Variants in GALNT13 observed in about 807,000 individuals in gnomAD.
The protein encoded by GALNT13 is polypeptide N-acetylgalactosaminyltransferase 13, also known as UDP-GalNAc:polypeptide N-acetylgalactosaminyltransferase 13.
In GALNT13, 28 loss-of-function variants were observed where a neutral mutation model predicts 64.2. The observed-to-expected ratio is 0.44, with a 90% CI of 0.32 to 0.60. GALNT13 has a LOEUF of 0.60. Among genes scored for constraint, GALNT13 ranks in the 20% least tolerant of loss-of-function variants. The pLI is 0.05. For missense variants in GALNT13, 577 were observed against 669.8 expected, an observed-to-expected ratio of 0.86 and a Z score of 1.53; for synonymous variants, 214 against 224.6, an observed-to-expected ratio of 0.95 and a Z score of 0.42.
chr2:153,138,728 C>A, the GALNT13 span, among the ~76,000 whole-genome samples: 3 of 152,056 alleles, frequency 2.0e-5, no homozygotes, highest in Non-Finnish European at 2.9e-5. Flanking sequence ...GAAATATCTT[C>A]TTCTCCCTTG....
chr2:153,598,267 C>G, the GALNT13 span, among the ~76,000 whole-genome samples: 1 of 152,122 alleles, frequency 6.6e-6, no homozygotes, highest in African/African-American at 2.4e-5. Flanking sequence ...CCTTCTGGAT[C>G]TGCTACTGCA....
chr2:153,213,901 GA>G, the GALNT13 span, among the ~76,000 whole-genome samples: 1 of 152,092 alleles, frequency 6.6e-6, no homozygotes, highest in Non-Finnish European at 1.5e-5. Context: ...TACAAATAAG[GA>G]AAAAGAGAAG....
chr2:154,365,158 A>G (rs1268584730), intron 9 of GALNT13, among the ~76,000 whole-genome samples: 2 of 152,184 alleles, frequency 1.3e-5, no homozygotes, highest in African/African-American at 4.8e-5. Context: ...TAAAATCATT[A>G]ACTTCATAGA....
chr2:153,934,075 G>A (rs1690728518), intron 2 of GALNT13, among the ~76,000 whole-genome samples: 1 of 152,094 alleles, frequency 6.6e-6, no homozygotes, highest in South Asian at 2.1e-4. Flanking sequence ...ATGTCTTGGG[G>A]ATGGTCATCT....
intron 3 of GALNT13, among the ~76,000 whole-genome samples, chr2:154,093,278 T>C (rs1276271531): frequency 6.6e-6 from 1 of 152,078 alleles, no homozygotes; most frequent in Non-Finnish European, 1.5e-5. Flanking sequence ...TTTTGTAATA[T>C]CTATAACTAG....
chr2:153,852,059 C>A, the GALNT13 span, among the ~76,000 whole-genome samples: 1 of 151,472 alleles, frequency 6.6e-6, no homozygotes, highest in Non-Finnish European at 1.5e-5. Context: ...AGCTAATAAT[C>A]CAAAAAATGA....
At chr2:153,392,977 G>T in the GALNT13 span, among the ~76,000 whole-genome samples, 2 of 151,990 alleles carry the variant, frequency 1.3e-5, no homozygotes, top group South Asian at 2.1e-4. Flanking sequence ...AAAAAAGAGA[G>T]TAAGCCCTCA....
At chr2:154,203,532 C>A (rs926397351) in intron 4 of GALNT13, among the ~76,000 whole-genome samples, 1 of 152,068 alleles carries the variant, frequency 6.6e-6, no homozygotes, top group Non-Finnish European at 1.5e-5. Flanking sequence ...TCCTCCTAGT[C>A]ATGTAATTCC....
intron 4 of GALNT13, among the ~76,000 whole-genome samples, chr2:154,222,806 T>C (rs1276907123): frequency 6.6e-6 from 1 of 152,152 alleles, no homozygotes; most frequent in Non-Finnish European, 1.5e-5. Context: ...ATGGAGTAAG[T>C]TGGATTCGAA....
intron 9 of GALNT13, among the ~76,000 whole-genome samples, chr2:154,347,806 G>A (rs895164211): frequency 6.6e-6 from 1 of 152,072 alleles, no homozygotes; most frequent in African/African-American, 2.4e-5. Flanking sequence ...TATTTACATG[G>A]TAAGAAACTG....
At chr2:154,159,943 T>A (rs1250125531) in intron 4 of GALNT13, among the ~76,000 whole-genome samples, 1 of 152,190 alleles carries the variant, frequency 6.6e-6, no homozygotes, top group East Asian at 1.9e-4. Context: ...TCCTCTTCAA[T>A]CCTTAAATTA....
intron 3 of GALNT13, among the ~76,000 whole-genome samples, chr2:154,021,610 T>G (rs138002541): frequency 6.6e-5 from 10 of 151,054 alleles, no homozygotes; most frequent in East Asian, 1.9e-4. Flanking sequence ...GGCTGAGACA[T>G]TGGGGTTTTC....
the GALNT13 span, among the ~76,000 whole-genome samples, chr2:153,431,171 G>A: frequency 8.5e-3 from 1,284 of 150,494 alleles, 5 homozygotes; most frequent in Non-Finnish European, 0.015. Flanking sequence ...AACAAAAAAA[G>A]TTGACATAAT....
At chr2:153,509,960 C>G in the GALNT13 span, among the ~76,000 whole-genome samples, 1 of 152,092 alleles carries the variant, frequency 6.6e-6, no homozygotes, top group South Asian at 2.1e-4. Context: ...ATATTTTTAT[C>G]TCATTTTTAC....
chr2:154,150,452 T>G (rs1395610926), intron 4 of GALNT13, among the ~76,000 whole-genome samples: 1 of 152,254 alleles, frequency 6.6e-6, no homozygotes. Flanking sequence ...ATAAAATGAG[T>G]TAGGGAGGAT....
chr2:154,153,292 G>T (rs1157506816), intron 4 of GALNT13, among the ~76,000 whole-genome samples: 1 of 151,992 alleles, frequency 6.6e-6, no homozygotes, highest in Non-Finnish European at 1.5e-5. Context: ...TCCTCTGGAA[G>T]TGTCTCAGAG....
At chr2:153,717,703 A>G in the GALNT13 span, among the ~76,000 whole-genome samples, 1 of 152,222 alleles carries the variant, frequency 6.6e-6, no homozygotes, top group Non-Finnish European at 1.5e-5. Flanking sequence ...CAAATGTTTA[A>G]TATTTCATTA....
intron 3 of GALNT13, among the ~76,000 whole-genome samples, chr2:154,072,548 G>GGTTTTA (rs1316903333): frequency 6.6e-6 from 1 of 151,812 alleles, no homozygotes; most frequent in South Asian, 2.1e-4. Flanking sequence ...AACTATTACT[G>GGTTTTA]GTTTTCCAGA....
chr2:154,238,541 A>G (rs1484370244), intron 4 of GALNT13, among the ~76,000 whole-genome samples: 3 of 151,996 alleles, frequency 2.0e-5, no homozygotes, highest in African/African-American at 7.2e-5. Flanking sequence ...CAATAATACC[A>G]GTTCATTGTA....
Sources: gnomAD v4.1 joint callset for allele counts (sites outside exome capture counted in the v4.1 genomes callset) on GRCh38, gnomAD v4.1.1 for gene constraint, MANE v1.5 for transcripts, NCBI Gene and HGNC (gene_info 2026-07-23, HGNC 2026-07-21) for gene names.